The following POLD2 variants were observed in gnomAD, a reference collection of about 807,000 sequenced individuals.
POLD2 encodes DNA polymerase delta 2, accessory subunit.
Under a neutral mutation model 48.8 loss-of-function variants are expected in POLD2, and 31 were observed. The observed-to-expected ratio is 0.64, with a 90% CI of 0.48 to 0.86. The LOEUF (loss-of-function observed/expected upper bound fraction) is 0.86. POLD2 is among the 40% of genes least tolerant of loss of function. The pLI is 0.00. For missense variants in POLD2, 455 were observed against 610.1 expected, an observed-to-expected ratio of 0.75 and a Z score of 2.68; for synonymous variants, 233 against 256.3, an observed-to-expected ratio of 0.91 and a Z score of 0.87.
In POLD2 at chr7:44,116,871, G is replaced by A. The variant is rs1252604424; in HGVS notation, c.726C>T (p.Ile242=). 6.2e-7 allele frequency: 1 copy of A among 1,613,880 alleles called. No individual in the cohort carries two copies. The highest frequency in any genetic ancestry group is 8.5e-7 in the Non-Finnish European group (1 of 1,180,028). Reference sequence around the variant, plus strand: ...TGTGGCTGAGGAGGTTGCCAGCGAGGATAACCCGGGAGACGTGGGCGGCGC... The same window carrying A: ...TGTGGCTGAGGAGGTTGCCAGCGAGAATAACCCGGGAGACGTGGGCGGCGC... The part of the protein sequence containing the change: ...QCSAAHVSRV[I]LAGNLLSHST... Residue 242 remains isoleucine (I), a synonymous_variant, in exon 6 of 11, where the codon ATC becomes ATT. Coordinates refer to ENST00000610533, the MANE Select transcript of POLD2 (RefSeq NM_006230.4). This position sits in a 1 kb window ranked among gnomAD's most constrained non-coding sequence, Gnocchi z 6.1.
upstream of POLD2, chr7:44,123,722 C>T (rs1446939080): frequency 3.0e-6 from 4 of 1,343,548 alleles, no homozygotes; most frequent in East Asian, 6.3e-5. Context: ...CCTCGGTTTC[C>T]TGGGCAACGC....
At position 44,116,789 on chromosome 7, in the gene POLD2, G is replaced by T. The variant is rs376150466; in HGVS notation, c.780+28C>A. ...CAGGCTTGCAGGCTCCTGGGCTGGG[G>T]CTGAATGCAGCCAGGTGGGCTCCAT... On this transcript the variant is annotated intron_variant, in intron 6 of 10. Transcript: ENST00000610533. The surrounding 1 kb of genome is among the most constrained non-coding windows in gnomAD (Gnocchi z 6.1). The T allele has an allele frequency of 4.4e-6, 7 of 1,608,516 alleles. No homozygotes were observed. In the African/African-American group the frequency reaches 9.4e-5, roughly 22 times the overall value.
chr7:44,119,899 G>A (rs1226181166), intron 2 of POLD2, among the ~76,000 whole-genome samples: 1 of 152,262 alleles, frequency 6.6e-6, no homozygotes, highest in African/African-American at 2.4e-5. Flanking sequence ...TCATTGCAAG[G>A]TGGCTTCAGG....
At chr7:44,118,711 G>A (rs1294783317) in intron 2 of POLD2, among the ~76,000 whole-genome samples, 3 of 151,628 alleles carry the variant, frequency 2.0e-5, no homozygotes, top group African/African-American at 7.3e-5. Flanking sequence ...AGTAGAGACA[G>A]GGTTTCACCG....
chr7:44,123,782 G>C (rs985256814), upstream of POLD2: 8 of 1,176,010 alleles, frequency 6.8e-6, no homozygotes, highest in Non-Finnish European at 8.9e-6. Flanking sequence ...TGGCGGCCGC[G>C]CGTGCAGGGG....
Position 44,117,239 on chromosome 7 carries a change from G to T in POLD2, c.475C>A (p.Leu159Met). The T allele has an allele frequency of 6.2e-7, 1 of 1,613,214 alleles. No homozygotes were observed. Among genetic ancestry groups the T allele is most frequent in the Non-Finnish European group, 8.5e-7 (1 of 1,179,342 alleles). The change falls in exon 5 of 11, where the codon CTG becomes ATG. Residue 159 changes from leucine to methionine, a missense_variant. By Grantham distance (15) the Leu-to-Met change is conservative (BLOSUM62 2). Around this residue, in one of 3 missense-constraint regions of POLD2, gnomAD observed 349 missense variants for 437.4 expected, o/e 0.80. Coordinates refer to ENST00000610533, the MANE Select transcript of POLD2 (RefSeq NM_006230.4). ...TCTCTCACGGAGCCAAACACAGCCA[G>T]GACAGTCCCTGGGGAGCAGTGGCAT... Reference protein sequence around the residue: ...DVSKLVTGTVLAVFGSVRDDG... With the variant: ...DVSKLVTGTVMAVFGSVRDDG...
In POLD2 at chr7:44,116,674, C is replaced by A; in HGVS notation, c.780+143G>T. The A allele has an allele frequency of 9.9e-7, 1 of 1,010,450 alleles. No homozygotes were observed. The highest frequency in any genetic ancestry group is 1.5e-5 in the South Asian group (1 of 66,478). 62.6% of individuals were successfully genotyped at this position (1,010,450 alleles called of 1,614,324 possible). A position where few individuals can be genotyped will look rare whatever the true frequency, so the allele number is the denominator to read the frequency against. On this transcript the variant is annotated intron_variant, in intron 6 of 10. Coordinates refer to ENST00000610533, the MANE Select transcript of POLD2 (RefSeq NM_006230.4). This position sits in a 1 kb window ranked among gnomAD's most constrained non-coding sequence, Gnocchi z 6.1. Reference sequence around the variant, plus strand: ...GGCCTGGGCATGAGGAGCCCCATTGCAGGAGGCCCCAGAGTCACTGCAGGG... The same window carrying A: ...GGCCTGGGCATGAGGAGCCCCATTGAAGGAGGCCCCAGAGTCACTGCAGGG...
intron 10 of POLD2, 48 bp downstream of exon 10, chr7:44,115,247 G>T: frequency 8.2e-7 from 1 of 1,215,810 alleles, no homozygotes; most frequent in Non-Finnish European, 1.2e-6. Flanking sequence ...GTCCCCAGGT[G>T]AGAGCAAATC....
At chr7:44,120,328 C>T (rs1357342678) in intron 2 of POLD2, among the ~76,000 whole-genome samples, 2 of 152,058 alleles carry the variant, frequency 1.3e-5, no homozygotes, top group Non-Finnish European at 2.9e-5. Flanking sequence ...GAGGTGCTGC[C>T]GGAAAGAATC....
rs2128813297 is a variant in POLD2 at position 44,123,271 on chromosome 7, T to C, written c.-57+240A>G. The C allele has an allele frequency of 5.2e-6, 7 of 1,356,738 alleles. No homozygotes were observed. In the East Asian group the frequency reaches 2.2e-4, roughly 42 times the overall value. 84.0% of individuals were successfully genotyped at this position (1,356,738 alleles called of 1,614,324 possible). A position where few individuals can be genotyped will look rare whatever the true frequency, so the allele number is the denominator to read the frequency against. On this transcript the variant is annotated intron_variant, in intron 1 of 10. Coordinates refer to ENST00000610533, the MANE Select transcript of POLD2 (RefSeq NM_006230.4). ...AGGCTCCGCACACGTGTCTAACGAGTGACTCGTTAGGAGCTTTTGGCTCGA... is the reference window on the plus strand; with the variant it reads ...AGGCTCCGCACACGTGTCTAACGAGCGACTCGTTAGGAGCTTTTGGCTCGA...
chr7:44,121,911 C>T lies in POLD2; in HGVS notation c.143G>A (p.Arg48Gln), dbSNP rs753677894. 8.7e-6 allele frequency: 14 copies of T among 1,613,626 alleles called. No homozygotes were observed. Among genetic ancestry groups the T allele is most frequent in the South Asian group, 3.3e-5 (3 of 91,048 alleles). Reference sequence around the variant, plus strand: ...GGTGGCATAAATGTGGGCATACTGCCGGCTAAAGCTGCGCTCTCCTAGCCG... The same window carrying T: ...GGTGGCATAAATGTGGGCATACTGCTGGCTAAAGCTGCGCTCTCCTAGCCG... Reference protein sequence around the residue: ...PFRLGERSFSRQYAHIYATRL... With the variant: ...PFRLGERSFSQQYAHIYATRL... The change falls in exon 2 of 11, where the codon CGG (arginine) becomes CAG (glutamine). Residue 48 changes from arginine (R) to glutamine (Q), a missense_variant. This residue lies in a region of POLD2 where 349 missense variants were observed against 437.4 expected (regional missense o/e 0.80). Transcript: ENST00000610533. This position sits in a 1 kb window ranked among gnomAD's most constrained non-coding sequence, Gnocchi z 4.5.
intron 4 of POLD2, 44 bp from the exon 5 acceptor site, chr7:44,117,291 C>T: frequency 7.1e-7 from 1 of 1,400,822 alleles, no homozygotes; most frequent in Non-Finnish European, 1.0e-6. Context: ...GCCCCAGGTG[C>T]TACCACTCCT....
chr7:44,116,741 C>A lies in POLD2; in HGVS notation c.780+76G>T. ...GCGAGACCTCACAGGGTACCCTACT[C>A]GCCCTGGGGAAGGAGGGTCTTACAG... On this transcript the variant is annotated intron_variant, in intron 6 of 10. Transcript: ENST00000610533. This position sits in a 1 kb window ranked among gnomAD's most constrained non-coding sequence, Gnocchi z 6.1. 6.6e-7 allele frequency: 1 copy of A among 1,504,266 alleles called. No individual in the cohort carries two copies. The allele number at this position is 1,504,266 out of a possible 1,614,324, so 93.2% of individuals were successfully genotyped here. A position where few individuals can be genotyped will look rare whatever the true frequency, so the allele number is the denominator to read the frequency against.
intron 4 of POLD2, 56 bp from the exon 5 acceptor site, chr7:44,117,303 C>A: frequency 7.7e-7 from 1 of 1,292,170 alleles, no homozygotes; most frequent in East Asian, 2.4e-5. Flanking sequence ...ACCACTCCTT[C>A]CAGTCACCCC....
intron 1 of POLD2, 42 bp downstream of exon 1, chr7:44,123,469 C>T: frequency 6.7e-7 from 1 of 1,496,538 alleles, no homozygotes; most frequent in Non-Finnish European, 8.8e-7. Context: ...CGGCCTGGAA[C>T]TGCCACCCCC....
intron 1 of POLD2, chr7:44,122,406 T>A: frequency 8.9e-7 from 1 of 1,122,022 alleles, no homozygotes; most frequent in Non-Finnish European, 1.1e-6. Context: ...CTCAATCAAG[T>A]TCAGTTTGCC....
chr7:44,123,359 G>T, intron 1 of POLD2, 152 bp downstream of exon 1: 1 of 1,406,990 alleles, frequency 7.1e-7, no homozygotes. Context: ...AGCGCCCTGG[G>T]GGCTGTCCCA....
intron 2 of POLD2, among the ~76,000 whole-genome samples, chr7:44,119,527 C>T (rs1044598220): frequency 7.2e-5 from 11 of 152,212 alleles, no homozygotes; most frequent in Non-Finnish European, 1.5e-5. Flanking sequence ...TTACTCTCCC[C>T]CAGGTGGCCT....
In POLD2 at chr7:44,117,616, T is replaced by C. The variant is rs1202312457; in HGVS notation, c.466+3A>G. 5 of 1,600,968 alleles carry C rather than the reference T, an allele frequency of 3.1e-6. No homozygotes were observed. The highest frequency in any genetic ancestry group is 4.3e-6 in the Non-Finnish European group (5 of 1,173,334). On this transcript the variant is annotated splice_donor_region_variant and intron_variant, in intron 4 of 10. Transcript: ENST00000610533. Reference sequence around the variant, plus strand: ...ACCCACATCCTCTCATTGGGCTCCCTACCCGTAACCAGCTTTGACACGTCA... The same window carrying C: ...ACCCACATCCTCTCATTGGGCTCCCCACCCGTAACCAGCTTTGACACGTCA...
Sources: allele counts gnomAD v4.1 joint callset (sites outside exome capture counted in the v4.1 genomes callset), GRCh38; gene constraint gnomAD v4.1.1; regional missense constraint gnomAD v4.1.1; non-coding constraint Gnocchi (gnomAD v3.1); transcripts MANE v1.5; gene names NCBI Gene and HGNC (gene_info 2026-07-23, HGNC 2026-07-21).